Variants in IQSEC1 observed in about 807,000 individuals in gnomAD.
The protein encoded by IQSEC1 is IQ motif and SEC7 domain-containing protein 1.
Under a neutral mutation model 91.0 loss-of-function variants are expected in IQSEC1, and 31 were observed. That is an observed-to-expected ratio of 0.34 (90% CI 0.26 to 0.46). The LOEUF (loss-of-function observed/expected upper bound fraction) is 0.46, where lower values mean the gene tolerates loss of function less well. Ranked by LOEUF, IQSEC1 falls within the 20% of genes least tolerant of loss-of-function variation. IQSEC1 has a pLI of 1.00. For missense variants in IQSEC1, 1,388 were observed against 1,575.6 expected (o/e 0.88, Z 2.02); for synonymous variants, 699 against 662.6 (o/e 1.05, Z -0.84).
chr3:13,160,433 T>C (rs1229194327), intron 2 of IQSEC1, among the ~76,000 whole-genome samples: 1 of 152,174 alleles, frequency 6.6e-6, no homozygotes, highest in Non-Finnish European at 1.5e-5. Context: ...AGTGCTGGGA[T>C]TACAAGTGTG....
At chr3:13,225,374 A>C (rs1206653795) in intron 1 of IQSEC1, among the ~76,000 whole-genome samples, 1 of 152,258 alleles carries the variant, frequency 6.6e-6, no homozygotes, top group Non-Finnish European at 1.5e-5. Flanking sequence ...TTTTACCAGA[A>C]GCCACTGAAT....
In IQSEC1 at chr3:12,940,148, C is replaced by A. The variant is rs759636838; in HGVS notation, c.318+1423G>T. Reference sequence around the variant, plus strand: ...CTATAAACCGTGGTCCACTTTGGATCTGGGCATCACGGATAAAGGAACAGA... The same window carrying A: ...CTATAAACCGTGGTCCACTTTGGATATGGGCATCACGGATAAAGGAACAGA... On this transcript the variant is annotated intron_variant, in intron 2 of 13. Transcript: ENST00000613206. This position sits in a 1 kb window ranked among gnomAD's most constrained non-coding sequence, Gnocchi z 4.4. Among the ~76,000 whole-genome samples, 2 of 152,164 alleles carry A rather than the reference C, an allele frequency of 1.3e-5. No homozygotes were observed. The highest frequency in any genetic ancestry group is 2.9e-5 in the Non-Finnish European group (2 of 68,026).
intron 1 of IQSEC1, among the ~76,000 whole-genome samples, chr3:12,962,800 G>C (rs572555512): frequency 2.0e-5 from 3 of 152,350 alleles, no homozygotes; most frequent in Non-Finnish European, 4.4e-5. Context: ...TGGGGATGCA[G>C]CTCTTGGGTT....
In IQSEC1 at chr3:13,277,877, C is replaced by G. The variant is rs145664962; in HGVS notation, c.272+4834G>C. On this transcript the variant is annotated intron_variant, in intron 1 of 15. Coordinates refer to the IQSEC1 transcript ENST00000648114. Reference sequence around the variant, plus strand: ...TCCAACCTAAGTGCCCTCAGCCCCCCGCCCCTGGCCCAGCATTGGTGCTTC... The same window carrying G: ...TCCAACCTAAGTGCCCTCAGCCCCCGGCCCCTGGCCCAGCATTGGTGCTTC... Among the ~76,000 whole-genome samples the G allele has an allele frequency of 2.0e-5, 3 of 152,278 alleles. No homozygotes were observed. In the South Asian group the frequency reaches 6.2e-4, roughly 32 times the overall value.
At chr3:13,183,861 T>C (rs1693887140) in intron 1 of IQSEC1, among the ~76,000 whole-genome samples, 1 of 151,702 alleles carries the variant, frequency 6.6e-6, no homozygotes, top group Non-Finnish European at 1.5e-5. Context: ...AGCCGACAAA[T>C]AAGGAAAGAG....
chr3:13,018,690 C>A (rs1703256282), intron 1 of IQSEC1, among the ~76,000 whole-genome samples: 1 of 152,098 alleles, frequency 6.6e-6, no homozygotes, highest in Non-Finnish European at 1.5e-5. Flanking sequence ...TCTCATCCAC[C>A]CTCCAGAACT....
At chr3:13,016,748 T>G (rs1278541853) in intron 1 of IQSEC1, among the ~76,000 whole-genome samples, 3 of 152,254 alleles carry the variant, frequency 2.0e-5, no homozygotes, top group African/African-American at 4.8e-5. Context: ...TCAAACAGTC[T>G]TATTAAGATA....
At chr3:12,982,222 G>A (rs1198211137) in intron 1 of IQSEC1, among the ~76,000 whole-genome samples, 7 of 152,060 alleles carry the variant, frequency 4.6e-5, no homozygotes, top group Non-Finnish European at 7.4e-5. Context: ...TATCAAACAC[G>A]CTTAAAAAAA....
intron 13 of IQSEC1, 93 bp downstream of exon 13, chr3:12,902,680 A>AC: frequency 1.6e-6 from 1 of 623,084 alleles, no homozygotes; most frequent in Non-Finnish European, 2.7e-6. Context: ...CAAAAAAAAA[A>AC]AAAAAAAAAA....
Position 12,994,994 on chromosome 3 carries a change from G to A in IQSEC1, c.24-53129C>T, listed in dbSNP as rs1231460304. On this transcript the variant is annotated intron_variant, in intron 1 of 13. Coordinates refer to ENST00000613206, the MANE Select transcript of IQSEC1 (RefSeq NM_001134382.3). This position sits in a 1 kb window ranked among gnomAD's most constrained non-coding sequence, Gnocchi z 4.5. ...CTAAGGAGAAAGCGAGGACGCGCGA[G>A]TGCCCTCCCTGGTGGGTCGCAGAGC... 2 of 152,330 alleles carry A rather than the reference G, an allele frequency of 1.3e-5. No homozygotes were observed. The highest frequency in any genetic ancestry group is 2.9e-5 in the Non-Finnish European group (2 of 68,090). 9.4% of individuals were successfully genotyped at this position (152,330 alleles called of 1,614,324 possible).
At chr3:12,923,578 T>C (rs1275669730) in intron 4 of IQSEC1, among the ~76,000 whole-genome samples, 1 of 152,194 alleles carries the variant, frequency 6.6e-6, no homozygotes, top group Non-Finnish European at 1.5e-5. Flanking sequence ...GTGCCGTGTA[T>C]GTGAGTCTGC....
intron 4 of IQSEC1, among the ~76,000 whole-genome samples, chr3:12,923,415 C>T (rs1696813863): frequency 6.6e-6 from 1 of 152,150 alleles, no homozygotes; most frequent in South Asian, 2.1e-4. Flanking sequence ...CAGTAGCCAC[C>T]CTAACGATAC....
At chr3:13,206,199 CTCCATCCACCCA>C (rs1184107396) in intron 1 of IQSEC1, among the ~76,000 whole-genome samples, 1 of 151,902 alleles carries the variant, frequency 6.6e-6, no homozygotes, top group Non-Finnish European at 1.5e-5. Context: ...CCATCCACCC[CTCCATCCACCCA>C]TCTTATGTAT....
At chr3:13,029,772 G>A (rs1703773304) in intron 1 of IQSEC1, among the ~76,000 whole-genome samples, 1 of 152,244 alleles carries the variant, frequency 6.6e-6, no homozygotes, top group Admixed American at 6.5e-5. Context: ...GAGGACTGGT[G>A]AGGACTGGTA....
intron 2 of IQSEC1, among the ~76,000 whole-genome samples, chr3:13,115,785 C>T (rs1706325200): frequency 6.6e-6 from 1 of 152,206 alleles, no homozygotes; most frequent in Admixed American, 6.5e-5. Context: ...GGCACTGTTA[C>T]TGAGGGCAGA....
intron 2 of IQSEC1, among the ~76,000 whole-genome samples, chr3:13,155,242 C>T (rs894622016): frequency 2.0e-5 from 3 of 152,048 alleles, no homozygotes. Context: ...TGACGATTCA[C>T]CACTTAGATT....
At chr3:13,174,470 C>T (rs1234388408) in intron 1 of IQSEC1, among the ~76,000 whole-genome samples, 1 of 152,166 alleles carries the variant, frequency 6.6e-6, no homozygotes, top group Non-Finnish European at 1.5e-5. Context: ...CCCCCATGGC[C>T]TCCCCATCTC....
Position 12,935,802 on chromosome 3 carries a change from T to G in IQSEC1, c.1214A>C (p.Lys405Thr). 1 of 1,607,708 alleles carries G rather than the reference T, an allele frequency of 6.2e-7. No individual in the cohort carries two copies. The highest frequency in any genetic ancestry group is 8.5e-7 in the Non-Finnish European group (1 of 1,179,798). Reference sequence around the variant, plus strand: ...GGGGGCGCCGCTGTGGGGACCATGCTTGGGACTGCCCTGCTGCCCGCCAAG... The same window carrying G: ...GGGGGCGCCGCTGTGGGGACCATGCGTGGGACTGCCCTGCTGCCCGCCAAG... The part of the protein sequence containing the change: ...RSLGGQQGSP[K>T]HGPHSGAPKS... The change falls in exon 3 of 14, where the codon AAG (lysine) becomes ACG (threonine). Residue 405 changes from lysine to threonine, a missense_variant. Coordinates refer to ENST00000613206, the MANE Select transcript of IQSEC1 (RefSeq NM_001134382.3). The surrounding 1 kb of genome is among the most constrained non-coding windows in gnomAD (Gnocchi z 8.0).
intron 6 of IQSEC1, among the ~76,000 whole-genome samples, chr3:12,918,265 G>A (rs1696296569): frequency 6.6e-6 from 1 of 152,208 alleles, no homozygotes. Flanking sequence ...TCCCTTCTTG[G>A]GAATGGGGTG....
Sources: gnomAD v4.1 joint callset for allele counts (sites outside exome capture counted in the v4.1 genomes callset) on GRCh38, gnomAD v4.1.1 for gene constraint, Gnocchi (gnomAD v3.1) non-coding constraint, MANE v1.5 for transcripts, NCBI Gene and HGNC (gene_info 2026-07-23, HGNC 2026-07-21) for gene names.